Variants in ZNF385B observed in about 807,000 individuals in gnomAD.
ZNF385B encodes the protein zinc finger protein 385B.
A neutral mutation model predicts 39.2 loss-of-function variants in ZNF385B; 23 were observed. That is an observed-to-expected ratio of 0.59 (90% CI 0.42 to 0.83). The LOEUF is 0.83. Ranked by LOEUF, ZNF385B falls within the 40% of genes least tolerant of loss-of-function variation. The pLI, the probability that ZNF385B is intolerant of heterozygous loss-of-function variation, is 0.00. For missense variants in ZNF385B, 552 were observed against 598.9 expected (o/e 0.92, Z 0.82); for synonymous variants, 205 against 222.6 (o/e 0.92, Z 0.70).
intron 3 of ZNF385B, among the ~76,000 whole-genome samples, chr2:179,645,414 C>A (rs954393516): frequency 4.0e-4 from 61 of 152,182 alleles, no homozygotes; most frequent in African/African-American, 1.5e-3. Context: ...CCACACATCA[C>A]AAATCTTTTA....
At chr2:179,707,357 C>T (rs1417526283) in intron 3 of ZNF385B, among the ~76,000 whole-genome samples, 1 of 152,182 alleles carries the variant, frequency 6.6e-6, no homozygotes, top group Non-Finnish European at 1.5e-5. Context: ...GGAAGCACCT[C>T]TATGATGCCA....
intron 4 of ZNF385B, among the ~76,000 whole-genome samples, chr2:179,524,262 T>G (rs2105829086): frequency 6.6e-6 from 1 of 152,194 alleles, no homozygotes; most frequent in Non-Finnish European, 1.5e-5. Flanking sequence ...ACTTTTAAAA[T>G]TTAAAGTCGG....
chr2:179,688,015 G>C (rs545892562), intron 3 of ZNF385B, among the ~76,000 whole-genome samples: 1 of 152,228 alleles, frequency 6.6e-6, no homozygotes, highest in South Asian at 2.1e-4. Flanking sequence ...TTGAACATTA[G>C]GGTGGTCTTT....
chr2:179,579,584 T>C (rs1341926206), intron 3 of ZNF385B, among the ~76,000 whole-genome samples: 2 of 152,136 alleles, frequency 1.3e-5, no homozygotes, highest in Non-Finnish European at 2.9e-5. Context: ...ATCATTAAGA[T>C]GCTCATATCT....
At chr2:179,827,466 T>G (rs1440012173) in intron 1 of ZNF385B, among the ~76,000 whole-genome samples, 1 of 152,198 alleles carries the variant, frequency 6.6e-6, no homozygotes, top group Non-Finnish European at 1.5e-5. Context: ...TTTAATGAAA[T>G]GATTATGTAT....
intron 3 of ZNF385B, among the ~76,000 whole-genome samples, chr2:179,611,321 A>T (rs190453261): frequency 1.7e-4 from 26 of 152,252 alleles, no homozygotes; most frequent in African/African-American, 6.0e-4. Context: ...GGTTTTTGTC[A>T]TTCATTCTCT....
intron 3 of ZNF385B, chr2:179,576,196 A>G (rs909835954): frequency 1.0e-6 from 1 of 985,138 alleles, no homozygotes; most frequent in Non-Finnish European, 1.2e-6. Context: ...TCTTCACATC[A>G]TTACTGGACT....
intron 3 of ZNF385B, among the ~76,000 whole-genome samples, chr2:179,567,861 G>A (rs1473911390): frequency 2.0e-5 from 3 of 152,162 alleles, no homozygotes; most frequent in East Asian, 3.8e-4. Context: ...ATACTAGTCC[G>A]AGACACCAAC....
chr2:179,584,367 A>G (rs1052614326), intron 3 of ZNF385B, among the ~76,000 whole-genome samples: 3 of 152,176 alleles, frequency 2.0e-5, no homozygotes, highest in South Asian at 2.1e-4. Flanking sequence ...AACTGCTGCA[A>G]TGCAGTATAA....
At chr2:179,544,703 C>A in intron 4 of ZNF385B, 124 bp downstream of exon 4, 1 of 1,180,610 alleles carries the variant, frequency 8.5e-7, no homozygotes, top group South Asian at 1.4e-5. Context: ...CACAACTGAG[C>A]AGCATAACCA....
intron 1 of ZNF385B, among the ~76,000 whole-genome samples, chr2:179,779,604 G>C (rs926933692): frequency 6.6e-6 from 1 of 152,238 alleles, no homozygotes; most frequent in Non-Finnish European, 1.5e-5. Flanking sequence ...TTCCAGGCAA[G>C]AGAAAATGGC....
chr2:179,473,390 G>A (rs1401196130), intron 6 of ZNF385B, among the ~76,000 whole-genome samples: 1 of 152,120 alleles, frequency 6.6e-6, no homozygotes, highest in Non-Finnish European at 1.5e-5. Context: ...AAATTTCTTT[G>A]AACAAATGGT....
chr2:179,607,123 G>A, intron 3 of ZNF385B, among the ~76,000 whole-genome samples: 1 of 152,136 alleles, frequency 6.6e-6, no homozygotes, highest in Non-Finnish European at 1.5e-5. Flanking sequence ...TGCAGGGTGT[G>A]GTTTGGATCA....
At chr2:179,455,642 A>G (rs915953894) in intron 6 of ZNF385B, among the ~76,000 whole-genome samples, 4 of 151,866 alleles carry the variant, frequency 2.6e-5, no homozygotes, top group Non-Finnish European at 4.4e-5. Context: ...TGTAATCCCA[A>G]TACTTTGGGA....
At chr2:179,615,769 G>C (rs753955795) in intron 3 of ZNF385B, among the ~76,000 whole-genome samples, 2 of 152,182 alleles carry the variant, frequency 1.3e-5, no homozygotes, top group African/African-American at 4.8e-5. Flanking sequence ...GAATCAGACT[G>C]TCTGGGCTGG....
intron 3 of ZNF385B, among the ~76,000 whole-genome samples, chr2:179,634,398 G>A (rs1159459432): frequency 6.6e-6 from 1 of 152,126 alleles, no homozygotes; most frequent in Non-Finnish European, 1.5e-5. Context: ...CAAAAGATAT[G>A]AACAGACACT....
rs201761115 is a variant in ZNF385B, at chr2:179,505,306, TA to T, written c.552+13221del. 2.6e-3 allele frequency among the ~76,000 whole-genome samples: 391 copies of T among 149,620 alleles called. 2 individuals are homozygous for T. The highest frequency in any genetic ancestry group is 0.019 in the South Asian group (90 of 4,774). ...TGTAATAAAAACTGTAAAGCAACTA[TA>T]AAAAAAAAAGGAGATTGTTAGTATT... On this transcript the variant is annotated intron_variant, in intron 5 of 9. Transcript: ENST00000410066.
At chr2:179,827,896 C>A (rs1707768420) in intron 1 of ZNF385B, among the ~76,000 whole-genome samples, 1 of 152,152 alleles carries the variant, frequency 6.6e-6, no homozygotes, top group South Asian at 2.1e-4. Flanking sequence ...AGGGTAACCA[C>A]TATCCTGACT....
Position 179,769,632 on chromosome 2 carries a change from G to C in ZNF385B, c.169C>G (p.Gln57Glu). 6.2e-7 allele frequency: 1 copy of C among 1,614,112 alleles called. No individual in the cohort carries two copies. The highest frequency in any genetic ancestry group is 1.1e-5 in the South Asian group (1 of 91,074). Residue 57 changes from glutamine (Q) to glutamate (E), a missense_variant, in exon 3 of 10, where the codon CAG (glutamine) becomes GAG (glutamate). Transcript: ENST00000410066. ...TGAGCCTGGGCTGCAGAGTTCAGCT[G>C]GATGTTGCACACCTCACAGAAGGAG... is the stretch of plus-strand genomic sequence containing the variant. Reference protein sequence around the residue: ...LFSFCEVCNIQLNSAAQAQVH... With the variant: ...LFSFCEVCNIELNSAAQAQVH...
Sources: allele counts gnomAD v4.1 joint callset (sites outside exome capture counted in the v4.1 genomes callset), GRCh38; gene constraint gnomAD v4.1.1; transcripts MANE v1.5; gene names NCBI Gene and HGNC (gene_info 2026-07-23, HGNC 2026-07-21).